TMCC1: variants seen among roughly 807,000 people sequenced by gnomAD.
TMCC1 encodes transmembrane and coiled-coil domain family 1.
Under a neutral mutation model 52.4 loss-of-function variants are expected in TMCC1, and 15 were observed. That is an observed-to-expected ratio of 0.29 (90% CI 0.19 to 0.44). The LOEUF (loss-of-function observed/expected upper bound fraction) is 0.44, where lower values mean the gene tolerates loss of function less well. Among genes scored for constraint, TMCC1 ranks in the 20% least tolerant of loss-of-function variants. The pLI, the probability that TMCC1 is intolerant of heterozygous loss-of-function variation, is 1.00. For synonymous variants in TMCC1, 279 were observed against 301.9 expected (o/e 0.92, Z 0.79); for missense variants, 503 against 806.0 (o/e 0.62, Z 4.55).
Position 129,655,014 on chromosome 3 carries a change from T to C in TMCC1, c.1601A>G (p.Glu534Gly). 6.2e-7 allele frequency: 1 copy of C among 1,614,178 alleles called. No homozygotes were observed. The highest frequency in any genetic ancestry group is 8.5e-7 in the Non-Finnish European group (1 of 1,180,022). Reference protein sequence around the residue: ...LNLKQELASMEEKIAYQSYER... With the variant: ...LNLKQELASMGEKIAYQSYER... ...ATAGGACTGATACGCGATTTTTTCT[T>C]CCATGCTTGCCAGTTCCTGCTTCAA... The change falls in exon 6 of 7, where the codon GAA (glutamate) becomes GGA (glycine). Residue 534 changes from glutamate (E) to glycine (G), a missense_variant. Around this residue, in one of 7 missense-constraint regions of TMCC1, gnomAD observed 121 missense variants for 193.6 expected, o/e 0.62. Coordinates refer to ENST00000393238, the MANE Select transcript of TMCC1 (RefSeq NM_001017395.5).
At chr3:129,714,600 T>C (rs1354084560) in intron 4 of TMCC1, among the ~76,000 whole-genome samples, 1 of 152,190 alleles carries the variant, frequency 6.6e-6, no homozygotes, top group African/African-American at 2.4e-5. Flanking sequence ...CCTTTTCTGT[T>C]AGAACTTTTG....
At chr3:129,871,254 G>T (rs892466585) in intron 2 of TMCC1, among the ~76,000 whole-genome samples, 3 of 151,630 alleles carry the variant, frequency 2.0e-5, no homozygotes, top group African/African-American at 7.3e-5. Flanking sequence ...AGTTACTTGG[G>T]AGGGTGAGGC....
intron 4 of TMCC1, among the ~76,000 whole-genome samples, chr3:129,825,480 A>T (rs1294043547): frequency 6.9e-6 from 1 of 144,836 alleles, no homozygotes; most frequent in African/African-American, 2.6e-5. Flanking sequence ...TGAATCCATA[A>T]CTTCCAAACT....
chr3:129,893,385 T>A (rs1408365731), intron 1 of TMCC1, 109 bp downstream of exon 1: 1 of 152,334 alleles, frequency 6.6e-6, no homozygotes, highest in Non-Finnish European at 1.5e-5. Flanking sequence ...CAGGCCCGCG[T>A]CCGCTGCGCC....
At chr3:129,704,487 C>T (rs1324620485) in intron 4 of TMCC1, among the ~76,000 whole-genome samples, 1 of 152,160 alleles carries the variant, frequency 6.6e-6, no homozygotes, top group African/African-American at 2.4e-5. Flanking sequence ...GGTGTAATCT[C>T]AGCTCACTGC....
At chr3:129,842,522 G>C (rs778514265) in intron 2 of TMCC1, among the ~76,000 whole-genome samples, 5 of 151,398 alleles carry the variant, frequency 3.3e-5, no homozygotes, top group Non-Finnish European at 7.4e-5. Flanking sequence ...AGATAGATGT[G>C]ACCTCAACAG....
chr3:129,827,637 T>C (rs1577005061), intron 4 of TMCC1, 166 bp downstream of exon 4: 1 of 719,218 alleles, frequency 1.4e-6, no homozygotes, highest in East Asian at 2.5e-5. Flanking sequence ...AAGCATTCAT[T>C]CATTAGCTAT....
rs2058724440 is a variant in TMCC1, at chr3:129,827,853, C to G, written c.526G>C (p.Ala176Pro). 6 of 1,614,070 alleles carry G rather than the reference C, an allele frequency of 3.7e-6. No homozygotes were observed. The highest frequency in any genetic ancestry group is 5.1e-6 in the Non-Finnish European group (6 of 1,179,968). The change falls in exon 4 of 7, where the codon GCT becomes CCT. Residue 176 changes from alanine (A) to proline (P), a missense_variant. Ala to Pro is a conservative substitution (Grantham distance 27, BLOSUM62 -1). This residue lies in a region of TMCC1 where 217 missense variants were observed against 297.9 expected (regional missense o/e 0.73). Transcript: ENST00000393238. ...GGTAGACATGCAGCAGCAGCAGCAG[C>G]AGCAGCACAAGCTATTTCCATCATA... ...SAMMEIACAAAAAAAACLPGE... is the reference protein window; with the variant it reads ...SAMMEIACAAPAAAAACLPGE...
chr3:129,889,173 G>A (rs988131145), intron 1 of TMCC1, among the ~76,000 whole-genome samples: 1 of 152,086 alleles, frequency 6.6e-6, no homozygotes, highest in Admixed American at 6.6e-5. Context: ...TCCGGACATT[G>A]AGGTCAGAGG....
chr3:129,821,590 A>C (rs1483569677), intron 4 of TMCC1, among the ~76,000 whole-genome samples: 1 of 152,184 alleles, frequency 6.6e-6, no homozygotes, highest in Non-Finnish European at 1.5e-5. Context: ...TTGGTGTCTT[A>C]AGGCAATAAG....
At chr3:129,871,779 CAATG>C (rs2060942890) in intron 2 of TMCC1, among the ~76,000 whole-genome samples, 1 of 151,900 alleles carries the variant, frequency 6.6e-6, no homozygotes, top group Non-Finnish European at 1.5e-5. Flanking sequence ...AATGTGTAAT[CAATG>C]AAAAAAGAAT....
chr3:129,785,928 A>G (rs977819910), intron 4 of TMCC1, among the ~76,000 whole-genome samples: 4 of 87,736 alleles, frequency 4.6e-5, no homozygotes. Context: ...ACTTACCCTC[A>G]CCCCCTTTTT....
intron 4 of TMCC1, among the ~76,000 whole-genome samples, chr3:129,811,683 C>T (rs1040606402): frequency 6.6e-6 from 1 of 152,028 alleles, no homozygotes; most frequent in African/African-American, 2.4e-5. Context: ...GTGGCTCATA[C>T]CTGTAATCCC....
intron 4 of TMCC1, among the ~76,000 whole-genome samples, chr3:129,738,040 G>A (rs2051126269): frequency 1.3e-5 from 2 of 152,120 alleles, no homozygotes; most frequent in South Asian, 2.1e-4. Flanking sequence ...GGAGGCTGAC[G>A]TGGGCAGACC....
chr3:129,806,018 T>A (rs918064144), intron 4 of TMCC1, among the ~76,000 whole-genome samples: 1 of 152,176 alleles, frequency 6.6e-6, no homozygotes, highest in Non-Finnish European at 1.5e-5. Flanking sequence ...GTTTACTCAA[T>A]AACAAAACGT....
At chr3:129,756,473 G>A (rs755378534) in intron 4 of TMCC1, among the ~76,000 whole-genome samples, 1 of 151,974 alleles carries the variant, frequency 6.6e-6, no homozygotes, top group Non-Finnish European at 1.5e-5. Flanking sequence ...GAGTGCAGTG[G>A]TTGCAACCTT....
At chr3:129,767,252 C>T (rs1178431737) in intron 4 of TMCC1, among the ~76,000 whole-genome samples, 1 of 140,018 alleles carries the variant, frequency 7.1e-6, no homozygotes, top group East Asian at 2.0e-4. Context: ...CAGTGAGACG[C>T]TGTCTTTAAA....
rs1358932882 is a variant in TMCC1 at position 129,648,703 on chromosome 3, A to G, written c.*2778T>C. ...CAGTTTTCTTTTCTTTTTTTTTTAG[A>G]GGAGCATTCAAATGAGGGGACGTTT... On this transcript the variant is annotated 3_prime_UTR_variant, in exon 7 of 7. Transcript: ENST00000393238. 2 of 148,404 alleles carry G rather than the reference A, an allele frequency of 1.3e-5. No homozygotes were observed. The highest frequency in any genetic ancestry group is 1.3e-4 in the Admixed American group (2 of 14,850). The allele number at this position is 148,404 out of a possible 1,614,324, so 9.2% of individuals were successfully genotyped here. A position where few individuals can be genotyped will look rare whatever the true frequency, so the allele number is the denominator to read the frequency against.
chr3:129,855,720 T>G (rs1034869982), intron 2 of TMCC1, among the ~76,000 whole-genome samples: 1 of 152,208 alleles, frequency 6.6e-6, no homozygotes, highest in African/African-American at 2.4e-5. Context: ...AGCCTGAGTA[T>G]GGATATGGTT....
Sources: allele counts gnomAD v4.1 joint callset (sites outside exome capture counted in the v4.1 genomes callset), GRCh38; gene constraint gnomAD v4.1.1; regional missense constraint gnomAD v4.1.1; transcripts MANE v1.5; gene names NCBI Gene and HGNC (gene_info 2026-07-23, HGNC 2026-07-21).